The following FGF14 variants were observed in gnomAD, a reference collection of about 807,000 sequenced individuals.
FGF14 encodes the protein fibroblast growth factor 14, also known as fibroblast growth factor homologous factor 4.
Under a neutral mutation model 25.5 loss-of-function variants are expected in FGF14, and 5 were observed. The observed-to-expected ratio is 0.20, with a 90% confidence interval of 0.10 to 0.41. The LOEUF is 0.41. Among genes scored for constraint, FGF14 ranks in the 10% least tolerant of loss-of-function variants. FGF14 has a pLI of 1.00. For synonymous variants in FGF14, 138 were observed against 118.3 expected (o/e 1.17, Z -1.08); for missense variants, 222 against 320.1 (o/e 0.69, Z 2.34).
intron 1 of FGF14, among the ~76,000 whole-genome samples, chr13:102,377,801 T>G (rs1389316291): frequency 1.3e-5 from 2 of 152,104 alleles, no homozygotes; most frequent in East Asian, 3.9e-4. Context: ...AGGGCAAAAC[T>G]CTGTCTCAAC....
chr13:102,072,276 T>A (rs934569276), intron 1 of FGF14, among the ~76,000 whole-genome samples: 5 of 152,178 alleles, frequency 3.3e-5, no homozygotes, highest in African/African-American at 1.2e-4. Context: ...GAAAATTGGG[T>A]CATTGATTTA....
At chr13:101,947,296 C>T (rs2035869983) in intron 1 of FGF14, among the ~76,000 whole-genome samples, 1 of 152,292 alleles carries the variant, frequency 6.6e-6, no homozygotes, top group South Asian at 2.1e-4. Context: ...GAACTTAAAA[C>T]AGATCTACCA....
intron 1 of FGF14, among the ~76,000 whole-genome samples, chr13:102,271,737 C>T (rs11842183): frequency 2.1e-3 from 314 of 152,290 alleles, no homozygotes; most frequent in African/African-American, 7.2e-3. Context: ...TCATCGAGCA[C>T]TTTTGGATGT....
chr13:102,166,696 G>C (rs1294624869), intron 1 of FGF14, among the ~76,000 whole-genome samples: 1 of 152,122 alleles, frequency 6.6e-6, no homozygotes, highest in African/African-American at 2.4e-5. Flanking sequence ...ATTCAGACAT[G>C]AGTTACAATG....
intron 1 of FGF14, among the ~76,000 whole-genome samples, chr13:102,041,568 CTT>C (rs2041740300): frequency 7.5e-6 from 1 of 133,482 alleles, no homozygotes; most frequent in African/African-American, 3.1e-5. Flanking sequence ...GCAAAAATTA[CTT>C]TGTGTTTCCA....
At chr13:101,888,258 C>T (rs938946390) in intron 1 of FGF14, among the ~76,000 whole-genome samples, 1 of 152,144 alleles carries the variant, frequency 6.6e-6, no homozygotes, top group Non-Finnish European at 1.5e-5. Context: ...TTAGAGAACA[C>T]TGGGAACTGC....
chr13:102,037,508 G>C (rs1472282370), intron 1 of FGF14, among the ~76,000 whole-genome samples: 1 of 151,956 alleles, frequency 6.6e-6, no homozygotes, highest in Non-Finnish European at 1.5e-5. Flanking sequence ...GGATAATCCA[G>C]GAAAATCTCC....
At chr13:102,043,894 T>C (rs1483228097) in intron 1 of FGF14, among the ~76,000 whole-genome samples, 1 of 152,180 alleles carries the variant, frequency 6.6e-6, no homozygotes, top group African/African-American at 2.4e-5. Flanking sequence ...AGCAACTGGA[T>C]TGTTGTCATG....
At chr13:102,300,976 AC>A (rs2055020254) in intron 1 of FGF14, among the ~76,000 whole-genome samples, 1 of 108,924 alleles carries the variant, frequency 9.2e-6, no homozygotes, top group Non-Finnish European at 2.2e-5. Flanking sequence ...TTTAACCTTA[AC>A]AACATTTCAA....
At chr13:102,180,185 A>G (rs2048609537) in intron 1 of FGF14, among the ~76,000 whole-genome samples, 1 of 152,220 alleles carries the variant, frequency 6.6e-6, no homozygotes, top group South Asian at 2.1e-4. Context: ...CACATCATAT[A>G]AAATTGCTGA....
At chr13:102,290,728 C>A (rs1470678108) in intron 1 of FGF14, among the ~76,000 whole-genome samples, 1 of 152,130 alleles carries the variant, frequency 6.6e-6, no homozygotes, top group Non-Finnish European at 1.5e-5. Flanking sequence ...TGATAGGGTA[C>A]AGCCCCGAGC....
intron 1 of FGF14, chr13:102,394,909 C>T (rs2282282): frequency 0.3 from 46,172 of 152,244 alleles, 7,569 homozygotes; most frequent in African/African-American, 0.42. Context: ...ACACACTTCT[C>T]TGGAAGCCCG....
intron 1 of FGF14, among the ~76,000 whole-genome samples, chr13:102,038,636 C>G (rs1032381256): frequency 6.6e-6 from 1 of 152,070 alleles, no homozygotes; most frequent in South Asian, 2.1e-4. Flanking sequence ...TCTTACTCAT[C>G]TTTAGTTGGT....
intron 1 of FGF14, among the ~76,000 whole-genome samples, chr13:102,010,136 C>G (rs774711871): frequency 6.6e-6 from 1 of 152,142 alleles, no homozygotes; most frequent in Non-Finnish European, 1.5e-5. Flanking sequence ...TCCAAATGAG[C>G]TATTCTCTTT....
At chr13:101,946,414 G>T (rs1462283087) in intron 1 of FGF14, among the ~76,000 whole-genome samples, 1 of 149,484 alleles carries the variant, frequency 6.7e-6, no homozygotes, top group Non-Finnish European at 1.5e-5. Flanking sequence ...CCCTCTAGCA[G>T]TTTGGATGTT....
chr13:102,080,660 G>A (rs2043576300), intron 1 of FGF14, among the ~76,000 whole-genome samples: 1 of 152,150 alleles, frequency 6.6e-6, no homozygotes, highest in Non-Finnish European at 1.5e-5. Context: ...CAACCTAAAA[G>A]GATAAATGTT....
At chr13:101,963,442 G>A (rs1307080865) in intron 1 of FGF14, among the ~76,000 whole-genome samples, 2 of 151,750 alleles carry the variant, frequency 1.3e-5, no homozygotes, top group African/African-American at 4.8e-5. Context: ...ACATTTGTGG[G>A]GCACTCATTC....
intron 1 of FGF14, among the ~76,000 whole-genome samples, chr13:101,961,448 C>A (rs2036852954): frequency 6.6e-6 from 1 of 152,162 alleles, no homozygotes; most frequent in Non-Finnish European, 1.5e-5. Context: ...ATAGGGAATT[C>A]TTTCCCCATT....
intron 1 of FGF14, among the ~76,000 whole-genome samples, chr13:101,927,859 CTCAG>C (rs552733724): frequency 2.1e-3 from 316 of 152,282 alleles, no homozygotes; most frequent in Middle Eastern, 0.01. Flanking sequence ...ACCACAGGTG[CTCAG>C]TCAGTGTTTG....
Sources: allele counts gnomAD v4.1 joint callset (sites outside exome capture counted in the v4.1 genomes callset), GRCh38; gene constraint gnomAD v4.1.1; transcripts MANE v1.5; gene names NCBI Gene and HGNC (gene_info 2026-07-23, HGNC 2026-07-21).